Variants in DNAH1 observed in about 807,000 individuals in gnomAD.
The protein encoded by DNAH1 is axonemal beta dynein heavy chain 1.
A neutral mutation model predicts 484.3 loss-of-function variants in DNAH1; 327 were observed. That is an observed-to-expected ratio of 0.68 (90% confidence interval 0.62 to 0.74). The LOEUF (loss-of-function observed/expected upper bound fraction) is 0.74. Among genes scored for constraint, DNAH1 ranks in the 30% least tolerant of loss-of-function variants. The pLI is 0.00. For missense variants in DNAH1, 5,052 were observed against 5,546.8 expected, an observed-to-expected ratio of 0.91 and a Z score of 2.83; for synonymous variants, 2,192 against 2,191.9, an observed-to-expected ratio of 1.00 and a Z score of 0.00.
intron 60 of DNAH1, 93 bp from the exon 61 acceptor site, chr3:52,390,842 A>G (rs956636616): frequency 1.4e-5 from 21 of 1,526,394 alleles, no homozygotes; most frequent in South Asian, 1.1e-4. Flanking sequence ...AGGGAAGTCC[A>G]TAGCCGAAAC....
At chr3:52,396,208 C>T (rs1436841551) in intron 70 of DNAH1, among the ~76,000 whole-genome samples, 160 bp from the exon 71 acceptor site, 1 of 152,174 alleles carries the variant, frequency 6.6e-6, no homozygotes, top group Non-Finnish European at 1.5e-5. Context: ...GCTGGGATTA[C>T]AGACGTGAGC....
chr3:52,353,698 T>C lies in DNAH1; in HGVS notation c.3480+65T>C, dbSNP rs1313550073. 6.5e-7 allele frequency: 1 copy of C among 1,543,230 alleles called. No homozygotes were observed. Among genetic ancestry groups the C allele is most frequent in the Non-Finnish European group, 8.7e-7 (1 of 1,146,156 alleles). On this transcript the variant is annotated intron_variant, in intron 20 of 77. Coordinates refer to ENST00000420323, the MANE Select transcript of DNAH1 (RefSeq NM_015512.5). The surrounding 1 kb of genome is among the most constrained non-coding windows in gnomAD (Gnocchi z 5.0). Reference sequence around the variant, plus strand: ...CCTGCCGGACAGCCTGACCTCCTGCTCTGGCAACCACAGCCACTTGGGAGG... The same window carrying C: ...CCTGCCGGACAGCCTGACCTCCTGCCCTGGCAACCACAGCCACTTGGGAGG...
chr3:52,366,876 C>CA lies in DNAH1; in HGVS notation c.5755dup (p.Thr1919AsnfsTer3). 6.2e-7 allele frequency: 1 copy of CA among 1,612,790 alleles called. No homozygotes were observed. The highest frequency in any genetic ancestry group is 1.7e-5 in the Admixed American group (1 of 59,956). ...AGCTGTACGGGGAGTTTGACCTCCT[C>CA]ACCCATGAGTGGTGAGTGACCCCCC... On this transcript the variant is annotated frameshift_variant, in exon 36 of 78. Transcript: ENST00000420323. LOFTEE classifies it high-confidence loss of function.
intron 8 of DNAH1, among the ~76,000 whole-genome samples, chr3:52,338,445 A>G (rs1241562169): frequency 6.6e-6 from 1 of 152,188 alleles, no homozygotes; most frequent in Non-Finnish European, 1.5e-5. Flanking sequence ...TATTATTACT[A>G]TTCCTCCACA....
intron 14 of DNAH1, 77 bp from the exon 15 acceptor site, chr3:52,349,912 G>A (rs1702301016): frequency 6.6e-7 from 1 of 1,524,042 alleles, no homozygotes; most frequent in Non-Finnish European, 8.8e-7. Flanking sequence ...AGATGCTGGA[G>A]ACCAAGGAGG....
Position 52,378,692 on chromosome 3 carries a change from C to T in DNAH1, c.7289C>T (p.Thr2430Ile). ...ACCATCACCTCCCAGCTGCTGCCCA[C>T]TCCAGCCAAGTCCCACTACACCTTC... is the stretch of plus-strand genomic sequence containing the variant. Reference protein sequence around the residue: ...YATITSQLLPTPAKSHYTFNL... With the variant: ...YATITSQLLPIPAKSHYTFNL... The change falls in exon 47 of 78, where the codon ACT becomes ATT. Residue 2430 changes from threonine to isoleucine, a missense_variant. Coordinates refer to ENST00000420323, the MANE Select transcript of DNAH1 (RefSeq NM_015512.5). 6.2e-7 allele frequency: 1 copy of T among 1,613,856 alleles called. No individual in the cohort carries two copies.
At position 52,383,379 on chromosome 3, in the gene DNAH1, T is replaced by G. The variant is rs1200032811; in HGVS notation, c.7942-7T>G. On this transcript the variant is annotated splice_polypyrimidine_tract_variant and splice_region_variant and intron_variant, in intron 50 of 77. Transcript: ENST00000420323. ...GCTTAGCTCCCCACTCCTTCACCCCTCCCCAGATCAAGAACGAATCCTTCC... is the reference window on the plus strand; with the variant it reads ...GCTTAGCTCCCCACTCCTTCACCCCGCCCCAGATCAAGAACGAATCCTTCC... The G allele has an allele frequency of 1.1e-5, 17 of 1,613,046 alleles. No homozygotes were observed. The Admixed American group carries it at 2.7e-4, about 25-fold the overall frequency.
At chr3:52,351,745 G>T (rs1220805101) in intron 16 of DNAH1, among the ~76,000 whole-genome samples, 1 of 152,208 alleles carries the variant, frequency 6.6e-6, no homozygotes, top group African/African-American at 2.4e-5. Flanking sequence ...AGCTCCCAGG[G>T]GGCAGGGCAG....
Position 52,394,552 on chromosome 3 carries a change from C to G in DNAH1, c.10714C>G (p.Arg3572Gly). 4.3e-6 allele frequency: 7 copies of G among 1,613,854 alleles called. No homozygotes were observed. Among genetic ancestry groups the G allele is most frequent in the Non-Finnish European group, 5.9e-6 (7 of 1,179,790 alleles). ...GGACTGGCTGTCAGACCGGGCTTGGCGAGACATCCTAGCACTCTCGAACCT... is the reference window on the plus strand; with the variant it reads ...GGACTGGCTGTCAGACCGGGCTTGGGGAGACATCCTAGCACTCTCGAACCT... ...APDWLSDRAW[R>G]DILALSNLPT... Residue 3572 changes from arginine to glycine, a missense_variant, in exon 67 of 78, where the codon CGA (arginine) becomes GGA (glycine). This residue lies in a region of DNAH1 where 853 missense variants were observed against 899.0 expected (regional missense o/e 0.95). Coordinates refer to ENST00000420323, the MANE Select transcript of DNAH1 (RefSeq NM_015512.5).
chr3:52,395,629 G>A lies in DNAH1; in HGVS notation c.11210G>A (p.Ser3737Asn). 1 of 1,613,914 alleles carries A rather than the reference G, an allele frequency of 6.2e-7. No individual in the cohort carries two copies. The highest frequency in any genetic ancestry group is 8.5e-7 in the Non-Finnish European group (1 of 1,179,900). ...VFFQNCHLAPSWMPALERLIE... is the reference protein window; with the variant it reads ...VFFQNCHLAPNWMPALERLIE... ...TTCCAGAACTGCCACCTGGCACCAA[G>A]CTGGATGCCAGCCCTAGAACGCCTC... Residue 3737 changes from serine (S) to asparagine (N), a missense_variant, in exon 70 of 78, where the codon AGC becomes AAC. By Grantham distance (46) the Ser-to-Asn change is conservative. Around this residue, in one of 4 missense-constraint regions of DNAH1, gnomAD observed 853 missense variants for 899.0 expected, o/e 0.95. Coordinates refer to ENST00000420323, the MANE Select transcript of DNAH1 (RefSeq NM_015512.5). The surrounding 1 kb of genome is among the most constrained non-coding windows in gnomAD (Gnocchi z 4.4).
rs144539468 is a variant in DNAH1, at chr3:52,399,042, G to A, written c.12282G>A (p.Leu4094=). 5.9e-5 allele frequency: 95 copies of A among 1,614,048 alleles called. No homozygotes were observed. The highest frequency in any genetic ancestry group is 1.0e-4 in the Admixed American group (6 of 60,026). The change falls in exon 76 of 78, where the codon CTG becomes CTA. Residue 4094 remains leucine (L), a synonymous_variant. Transcript: ENST00000420323. The part of the protein sequence containing the change: ...KPLSSWVMDL[L]QRLDFLQAWI... ...TGTCATCATGGGTCATGGACCTGCT[G>A]CAACGCCTGGACTTTCTGCAGGCCT...
In DNAH1 at chr3:52,368,782, TCACCTCC is replaced by T; in HGVS notation, c.5808_5814del (p.Ile1936MetfsTer22). ...TCCTCGTTCATCCGGGCGGGGGCCA[TCACCTCC>T]GACACCAACAAGAAGTGGTACATGT... is the stretch of plus-strand genomic sequence containing the variant. On this transcript the variant is annotated frameshift_variant, in exon 37 of 78. Transcript: ENST00000420323. LOFTEE classifies it high-confidence loss of function. The surrounding 1 kb of genome is among the most constrained non-coding windows in gnomAD (Gnocchi z 4.4). The T allele has an allele frequency of 6.2e-7, 1 of 1,613,908 alleles. No homozygotes were observed. Among genetic ancestry groups the T allele is most frequent in the Admixed American group, 1.7e-5 (1 of 60,026 alleles).
Position 52,361,655 on chromosome 3 carries a change from A to G in DNAH1, c.4875-6A>G, listed in dbSNP as rs770836682. On this transcript the variant is annotated splice_polypyrimidine_tract_variant and splice_region_variant and intron_variant, in intron 29 of 77. Transcript: ENST00000420323. The surrounding 1 kb of genome is among the most constrained non-coding windows in gnomAD (Gnocchi z 5.6). ...GTGCCCCATCCAATGTTCCGGCCTC[A>G]CTCAGTGCTGGGGCCTGGGCCTGCT... 6.3e-7 allele frequency: 1 copy of G among 1,599,154 alleles called. No homozygotes were observed. Among genetic ancestry groups the G allele is most frequent in the South Asian group, 1.1e-5 (1 of 88,228 alleles).
chr3:52,361,639 C>T lies in DNAH1; in HGVS notation c.4875-22C>T. On this transcript the variant is annotated intron_variant, in intron 29 of 77. Transcript: ENST00000420323. The surrounding 1 kb of genome is among the most constrained non-coding windows in gnomAD (Gnocchi z 5.6). Reference sequence around the variant, plus strand: ...TGGGCTCTGAACACATGTGCCCCATCCAATGTTCCGGCCTCACTCAGTGCT... The same window carrying T: ...TGGGCTCTGAACACATGTGCCCCATTCAATGTTCCGGCCTCACTCAGTGCT... 6.3e-7 allele frequency: 1 copy of T among 1,582,124 alleles called. No individual in the cohort carries two copies. Among genetic ancestry groups the T allele is most frequent in the Non-Finnish European group, 8.6e-7 (1 of 1,164,082 alleles).
At position 52,350,555 on chromosome 3, in the gene DNAH1, C is replaced by G; in HGVS notation, c.2694C>G (p.Phe898Leu). The G allele has an allele frequency of 6.2e-7, 1 of 1,613,930 alleles. No individual in the cohort carries two copies. The highest frequency in any genetic ancestry group is 8.5e-7 in the Non-Finnish European group (1 of 1,179,852). Residue 898 changes from phenylalanine to leucine, a missense_variant, in exon 16 of 78, where the codon TTC becomes TTG. Around this residue, in one of 4 missense-constraint regions of DNAH1, gnomAD observed 1,263 missense variants for 1,218.8 expected, o/e 1.04. Transcript: ENST00000420323. ...ATGACTACCAGGTCATGGATGAATT[C>G]CTCTACAACCTCAGCTCAGATGACT... is the stretch of plus-strand genomic sequence containing the variant. ...VMDDYQVMDE[F>L]LYNLSSDDFN...
intron 3 of DNAH1, among the ~76,000 whole-genome samples, chr3:52,325,236 G>C (rs1401769420): frequency 6.6e-6 from 1 of 152,110 alleles, no homozygotes; most frequent in Non-Finnish European, 1.5e-5. Flanking sequence ...GGCCTCTGTG[G>C]GACCCCAGAT....
At chr3:52,331,619 C>CTTTTTTTT (rs36097098) in intron 7 of DNAH1, among the ~76,000 whole-genome samples, 37 of 111,338 alleles carry the variant, frequency 3.3e-4, no homozygotes, top group South Asian at 6.0e-4. Context: ...AAATACTTTT[C>CTTTTTTTT]TTTTTTTTTT....
chr3:52,311,778 T>G (rs1373594282), upstream of DNAH1, among the ~76,000 whole-genome samples: 1 of 152,128 alleles, frequency 6.6e-6, no homozygotes, highest in Non-Finnish European at 1.5e-5. Context: ...GGGGAGGGGC[T>G]GGCTATGTGC....
Position 52,322,693 on chromosome 3 carries a change from G to A in DNAH1, c.251G>A (p.Gly84Asp). The A allele has an allele frequency of 1.2e-6, 2 of 1,613,774 alleles. No individual in the cohort carries two copies. The highest frequency in any genetic ancestry group is 1.7e-6 in the Non-Finnish European group (2 of 1,179,800). Residue 84 changes from glycine to aspartate, a missense_variant, in exon 2 of 78, where the codon GGC becomes GAC. By Grantham distance (94) the Gly-to-Asp change is moderately conservative. Coordinates refer to ENST00000420323, the MANE Select transcript of DNAH1 (RefSeq NM_015512.5). The stretch of plus-strand genomic sequence containing the variant: ...CAGCCACGGAAGTCACCCCTGACAG[G>A]CACTGATAAGAAGTACCCGCTGATG... ...LGQPRKSPLT[G>D]TDKKYPLMKQ...
Sources: allele counts gnomAD v4.1 joint callset (sites outside exome capture counted in the v4.1 genomes callset), GRCh38; gene constraint gnomAD v4.1.1; regional missense constraint gnomAD v4.1.1; non-coding constraint Gnocchi (gnomAD v3.1); transcripts MANE v1.5; gene names NCBI Gene and HGNC (gene_info 2026-07-23, HGNC 2026-07-21).